The following EIF3E variants were observed in gnomAD, a reference collection of about 807,000 sequenced individuals.
EIF3E encodes eIF-3 p48.
EIF3E carries 25 observed loss-of-function variants against 59.3 expected under a neutral mutation model. That is an observed-to-expected ratio of 0.42 (90% CI 0.31 to 0.59). The LOEUF (loss-of-function observed/expected upper bound fraction) is 0.59. Ranked by LOEUF, EIF3E falls within the 20% of genes least tolerant of loss-of-function variation. The probability of loss-of-function intolerance (pLI) is 0.15; values close to 1 mark genes in which losing one functional copy is unlikely to be tolerated. For synonymous variants in EIF3E, 176 were observed against 170.2 expected, an observed-to-expected ratio of 1.03 and a Z score of -0.26; for missense variants, 317 against 534.3, an observed-to-expected ratio of 0.59 and a Z score of 4.01.
chr8:108,204,746 T>TATATATATATATATATATAG (rs1354950271), intron 10 of EIF3E, among the ~76,000 whole-genome samples: 7 of 113,682 alleles, frequency 6.2e-5, no homozygotes, highest in South Asian at 3.2e-4. Flanking sequence ...TATATATATA[T>TATATATATATATATATATAG]AGAGAGAGAG....
At chr8:108,226,842 T>A (rs1047382810) in intron 7 of EIF3E, among the ~76,000 whole-genome samples, 13 of 152,292 alleles carry the variant, frequency 8.5e-5, no homozygotes, top group South Asian at 2.1e-4. Flanking sequence ...AGTTAACTGA[T>A]CTGATAATGC....
At chr8:108,237,603 G>A (rs897779240) in intron 3 of EIF3E, among the ~76,000 whole-genome samples, 6 of 152,196 alleles carry the variant, frequency 3.9e-5, no homozygotes, top group African/African-American at 1.4e-4. Context: ...GAAGAAATAT[G>A]CTATAATGTG....
chr8:108,240,585 A>T (rs1361242652), intron 2 of EIF3E, among the ~76,000 whole-genome samples: 1 of 152,228 alleles, frequency 6.6e-6, no homozygotes, highest in African/African-American at 2.4e-5. Context: ...CCAGCTCTAT[A>T]ATCTCTCAAA....
chr8:108,240,370 G>A (rs1048977596), intron 2 of EIF3E, among the ~76,000 whole-genome samples: 1 of 152,124 alleles, frequency 6.6e-6, no homozygotes, highest in Admixed American at 6.5e-5. Context: ...AAAAGGGTAG[G>A]ACCCAATTAT....
rs376059518 is a variant in EIF3E, at chr8:108,202,965, A to G, written c.1299+18T>C. On this transcript the variant is annotated intron_variant, in intron 12 of 12. Coordinates refer to ENST00000220849, the MANE Select transcript of EIF3E (RefSeq NM_001568.3). ...GGTTGCTAAACCCCAGACAGAATAG[A>G]AGATGTGTGGTTCTTACCTCTGACC... 6.2e-7 allele frequency: 1 copy of G among 1,607,366 alleles called. No homozygotes were observed. Among genetic ancestry groups the G allele is most frequent in the African/African-American group, 1.3e-5 (1 of 74,624 alleles).
At chr8:108,205,848 A>G (rs932302541) in intron 10 of EIF3E, among the ~76,000 whole-genome samples, 7 of 152,120 alleles carry the variant, frequency 4.6e-5, no homozygotes, top group African/African-American at 1.4e-4. Flanking sequence ...TAATTGTTCT[A>G]TTTATTATTG....
chr8:108,246,877 T>C (rs1457471275), intron 1 of EIF3E, among the ~76,000 whole-genome samples: 7 of 152,228 alleles, frequency 4.6e-5, no homozygotes, highest in South Asian at 2.1e-4. Context: ...TAATACAGTA[T>C]AGAACACATA....
Position 108,228,281 on chromosome 8 carries a change from G to A in EIF3E, c.708C>T (p.Phe236=). ...AAATAACTTACTGTGGCTGATAAAG[G>A]AAGAGGTCAATAATATTATCGCGAC... The part of the protein sequence containing the change: ...PKGRDNIIDL[F]LYQPQYLNAI... Residue 236 remains phenylalanine, a synonymous_variant, in exon 7 of 13, where the codon TTC becomes TTT. Coordinates refer to ENST00000220849, the MANE Select transcript of EIF3E (RefSeq NM_001568.3). 6.3e-7 allele frequency: 1 copy of A among 1,595,942 alleles called. No individual in the cohort carries two copies. The highest frequency in any genetic ancestry group is 8.5e-7 in the Non-Finnish European group (1 of 1,171,872).
At chr8:108,202,000 A>G in intron 12 of EIF3E, 77 bp from the exon 13 acceptor site, 1 of 1,336,856 alleles carries the variant, frequency 7.5e-7, no homozygotes, top group Non-Finnish European at 1.0e-6. Flanking sequence ...AGAAAGTAAC[A>G]CAGCATTTAC....
intron 9 of EIF3E, among the ~76,000 whole-genome samples, chr8:108,215,778 C>T (rs1012342307): frequency 6.6e-6 from 1 of 152,070 alleles, no homozygotes; most frequent in African/African-American, 2.4e-5. Flanking sequence ...CTGGTAAATG[C>T]AACTACATTT....
intron 1 of EIF3E, among the ~76,000 whole-genome samples, chr8:108,245,901 AAT>A (rs886740258): frequency 1.3e-5 from 2 of 152,306 alleles, no homozygotes; most frequent in African/African-American, 4.8e-5. Flanking sequence ...GGTGCAATGT[AAT>A]AGTCTCCCCT....
chr8:108,238,556 T>C (rs1345960736), intron 3 of EIF3E, among the ~76,000 whole-genome samples: 1 of 152,180 alleles, frequency 6.6e-6, no homozygotes, highest in Non-Finnish European at 1.5e-5. Context: ...TTTAGTTTCT[T>C]TCCCTGAATA....
intron 5 of EIF3E, among the ~76,000 whole-genome samples, chr8:108,232,529 AT>A (rs1275039843): frequency 1.3e-5 from 2 of 152,324 alleles, no homozygotes; most frequent in Admixed American, 1.3e-4. Flanking sequence ...TTTTAAAAAA[AT>A]AAACATAAAA....
intron 7 of EIF3E, among the ~76,000 whole-genome samples, chr8:108,219,501 A>C (rs1467302113): frequency 2.0e-5 from 3 of 152,200 alleles, no homozygotes; most frequent in Non-Finnish European, 4.4e-5. Context: ...TCAAATTTAG[A>C]GGTCCATATC....
In EIF3E at chr8:108,242,753, C is replaced by T. The variant is rs149879737; in HGVS notation, c.91-840G>A. 4,159 of 862,844 alleles carry T rather than the reference C, an allele frequency of 4.8e-3. 14 individuals are homozygous for T. Among genetic ancestry groups the T allele is most frequent in the Non-Finnish European group, 5.5e-3 (3,945 of 711,460 alleles). The allele number at this position is 862,844 out of a possible 1,614,324, so 53.4% of individuals were successfully genotyped here. A position where few individuals can be genotyped will look rare whatever the true frequency, so the allele number is the denominator to read the frequency against. On this transcript the variant is annotated intron_variant, in intron 1 of 12. Coordinates refer to ENST00000220849, the MANE Select transcript of EIF3E (RefSeq NM_001568.3). ...TGAAATGGCTAAAAGATAGGCACTT[C>T]GCAAAAGAAGACAACCAAATGGCCA...
At chr8:108,224,776 G>C (rs2129885830) in intron 7 of EIF3E, among the ~76,000 whole-genome samples, 1 of 151,506 alleles carries the variant, frequency 6.6e-6, no homozygotes, top group Non-Finnish European at 1.5e-5. Context: ...ACTCAGTTAA[G>C]TTACTAAAAA....
chr8:108,238,235 G>A (rs1465158350), intron 3 of EIF3E, among the ~76,000 whole-genome samples: 1 of 152,102 alleles, frequency 6.6e-6, no homozygotes, highest in Non-Finnish European at 1.5e-5. Flanking sequence ...ATATAGCTCT[G>A]TCTATGCGCA....
intron 5 of EIF3E, among the ~76,000 whole-genome samples, chr8:108,231,632 G>C (rs192157246): frequency 2.6e-5 from 4 of 152,156 alleles, no homozygotes; most frequent in Admixed American, 2.0e-4. Flanking sequence ...GTATATTATG[G>C]AGCCAGATCA....
At chr8:108,236,859 T>C (rs1460474480) in intron 3 of EIF3E, among the ~76,000 whole-genome samples, 1 of 151,894 alleles carries the variant, frequency 6.6e-6, no homozygotes, top group East Asian at 1.9e-4. Flanking sequence ...CAGTCTCTAC[T>C]AAAAATACAA....
Sources: gnomAD v4.1 joint callset for allele counts (sites outside exome capture counted in the v4.1 genomes callset) on GRCh38, gnomAD v4.1.1 for gene constraint, MANE v1.5 for transcripts, NCBI Gene and HGNC (gene_info 2026-07-23, HGNC 2026-07-21) for gene names.